PIBF1: variants seen among roughly 807,000 people sequenced by gnomAD.
PIBF1 encodes progesterone immunomodulatory binding factor 1, also known as progesterone-induced-blocking factor 1.
PIBF1 carries 90 observed loss-of-function variants against 112.5 expected under a neutral mutation model. That is an observed-to-expected ratio of 0.80 (90% confidence interval 0.67 to 0.95). PIBF1 has a LOEUF of 0.95. PIBF1 is among the 40% of genes least tolerant of loss of function. PIBF1 has a pLI of 0.00. For synonymous variants in PIBF1, 301 were observed against 288.6 expected (o/e 1.04, Z -0.44); for missense variants, 915 against 852.3 (o/e 1.07, Z -0.92).
intron 12 of PIBF1, among the ~76,000 whole-genome samples, chr13:72,913,179 A>G (rs1181477926): frequency 5.3e-5 from 8 of 152,198 alleles, no homozygotes; most frequent in South Asian, 4.1e-4. Flanking sequence ...CAGATGTTCT[A>G]TATATCTTGA....
chr13:72,902,426 AAAAAG>A (rs556474811), intron 11 of PIBF1, among the ~76,000 whole-genome samples: 158 of 152,250 alleles, frequency 1.0e-3, no homozygotes, highest in Non-Finnish European at 1.6e-3. Flanking sequence ...TAAAAAAAAA[AAAAAG>A]AATTGATTGT....
In PIBF1 at chr13:72,795,484, A is replaced by G; in HGVS notation, c.479A>G (p.Glu160Gly). Residue 160 changes from glutamate (E) to glycine (G), a missense_variant, in exon 4 of 18, where the codon GAG becomes GGG. By Grantham distance (98) the Glu-to-Gly change is moderately conservative. Transcript: ENST00000326291. ...GDVRRNLRDF[E>G]LTEEQYIKLK... ...GTTCGTCGAAACCTGCGTGACTTTG[A>G]GTTGACAGAAGAGCAATATATTAAA... 1 of 1,609,684 alleles carries G rather than the reference A, an allele frequency of 6.2e-7. No individual in the cohort carries two copies. The highest frequency in any genetic ancestry group is 8.5e-7 in the Non-Finnish European group (1 of 1,178,258).
At chr13:72,914,915 C>T (rs1433438307) in intron 12 of PIBF1, among the ~76,000 whole-genome samples, 1 of 152,114 alleles carries the variant, frequency 6.6e-6, no homozygotes, top group East Asian at 1.9e-4. Flanking sequence ...CTCTTTCTTC[C>T]CTGAAACTTC....
At chr13:72,862,806 A>G (rs2038752777) in intron 10 of PIBF1, among the ~76,000 whole-genome samples, 1 of 152,226 alleles carries the variant, frequency 6.6e-6, no homozygotes, top group Non-Finnish European at 1.5e-5. Context: ...AAAGAAGGAA[A>G]GAATCAAAGA....
At chr13:72,844,787 A>ACACACACACACG (rs1566348708) in intron 9 of PIBF1, among the ~76,000 whole-genome samples, 2 of 125,610 alleles carry the variant, frequency 1.6e-5, no homozygotes, top group African/African-American at 6.0e-5. Flanking sequence ...ACACACACAC[A>ACACACACACACG]CACACACACA....
intron 17 of PIBF1, 91 bp from the exon 18 acceptor site, chr13:73,015,778 A>G (rs2044365128): frequency 3.5e-6 from 2 of 568,020 alleles, no homozygotes; most frequent in Non-Finnish European, 5.6e-6. Flanking sequence ...AGCTTACATA[A>G]AAAAACCTCA....
chr13:72,906,108 A>C (rs192013477), intron 11 of PIBF1, among the ~76,000 whole-genome samples: 1 of 152,254 alleles, frequency 6.6e-6, no homozygotes, highest in Admixed American at 6.5e-5. Context: ...TTTTTAAGAC[A>C]ATTCTTATTT....
At chr13:72,954,526 G>A (rs1433596229) in intron 14 of PIBF1, among the ~76,000 whole-genome samples, 1 of 152,216 alleles carries the variant, frequency 6.6e-6, no homozygotes, top group South Asian at 2.1e-4. Context: ...ATCCCCGCTG[G>A]AATCTGGTAG....
chr13:73,010,048 T>C (rs1188475582), intron 17 of PIBF1, among the ~76,000 whole-genome samples: 1 of 152,152 alleles, frequency 6.6e-6, no homozygotes, highest in Admixed American at 6.5e-5. Flanking sequence ...ACAAACCAAT[T>C]CTGCATCCTT....
intron 14 of PIBF1, among the ~76,000 whole-genome samples, chr13:72,958,266 C>T (rs1248623888): frequency 6.8e-6 from 1 of 147,342 alleles, no homozygotes; most frequent in South Asian, 2.2e-4. Context: ...ACTATGATTC[C>T]GCCACTGCAC....
intron 16 of PIBF1, among the ~76,000 whole-genome samples, chr13:72,974,742 A>G (rs2042978543): frequency 6.6e-6 from 1 of 152,254 alleles, no homozygotes; most frequent in Admixed American, 6.5e-5. Context: ...ACATCTCCGA[A>G]TAAAATATCT....
At chr13:72,839,056 TAAG>T (rs570220923) in intron 9 of PIBF1, among the ~76,000 whole-genome samples, 167 of 152,330 alleles carry the variant, frequency 1.1e-3, no homozygotes, top group African/African-American at 3.8e-3. Context: ...TGAAAGATTT[TAAG>T]AAGAGGCATG....
intron 14 of PIBF1, among the ~76,000 whole-genome samples, chr13:72,961,612 G>C (rs2042609971): frequency 6.6e-6 from 1 of 152,072 alleles, no homozygotes; most frequent in African/African-American, 2.4e-5. Context: ...TCATAGAATA[G>C]TTAGGAATTC....
chr13:72,911,896 G>T (rs993741288), intron 12 of PIBF1, among the ~76,000 whole-genome samples: 1 of 152,030 alleles, frequency 6.6e-6, no homozygotes, highest in African/African-American at 2.4e-5. Flanking sequence ...TTGGGAGGCT[G>T]AGGCAGGTGG....
intron 5 of PIBF1, among the ~76,000 whole-genome samples, chr13:72,813,040 A>G (rs2036093517): frequency 6.6e-6 from 1 of 152,198 alleles, no homozygotes. Flanking sequence ...GCCAGGTGCT[A>G]TCATGCATCA....
chr13:73,010,810 C>CTTTTTCTTTTT (rs2044174823), intron 17 of PIBF1, among the ~76,000 whole-genome samples: 1 of 40,280 alleles, frequency 2.5e-5, no homozygotes, highest in African/African-American at 9.6e-5. Context: ...ATTAACTTTT[C>CTTTTTCTTTTT]TTTTTTTTTT....
chr13:72,824,955 C>T (rs541681822), intron 6 of PIBF1, among the ~76,000 whole-genome samples: 1 of 152,252 alleles, frequency 6.6e-6, no homozygotes, highest in African/African-American at 2.4e-5. Context: ...AGTGCCTAAC[C>T]TGAATCTAAT....
intron 11 of PIBF1, among the ~76,000 whole-genome samples, chr13:72,897,673 C>T (rs1034964904): frequency 6.6e-6 from 1 of 152,052 alleles, no homozygotes; most frequent in Admixed American, 6.5e-5. Flanking sequence ...ATTCTTACAT[C>T]AGACAAAAAA....
At chr13:72,979,951 G>A (rs1488375387) in intron 16 of PIBF1, among the ~76,000 whole-genome samples, 4 of 152,016 alleles carry the variant, frequency 2.6e-5, no homozygotes, top group Non-Finnish European at 5.9e-5. Flanking sequence ...AAATTAAGAA[G>A]CATAATCACG....
Sources: gnomAD v4.1 joint callset for allele counts (sites outside exome capture counted in the v4.1 genomes callset) on GRCh38, gnomAD v4.1.1 for gene constraint, MANE v1.5 for transcripts, NCBI Gene and HGNC (gene_info 2026-07-23, HGNC 2026-07-21) for gene names.